Variants in SIDT2 observed in about 807,000 individuals in gnomAD.
The protein encoded by SIDT2 is SID1 transmembrane family, member 2.
SIDT2 carries 68 observed loss-of-function variants against 114.4 expected under a neutral mutation model. The ratio of observed to expected loss-of-function variants is 0.59; its 90% confidence interval spans 0.49 to 0.73. The LOEUF (loss-of-function observed/expected upper bound fraction) is 0.73. Among genes scored for constraint, SIDT2 ranks in the 30% least tolerant of loss-of-function variants. The pLI is 0.00. For missense variants in SIDT2, 918 were observed against 1,097.1 expected (o/e 0.84, Z 2.31); for synonymous variants, 470 against 438.4 (o/e 1.07, Z -0.90).
Position 117,190,178 on chromosome 11 carries a change from C to T in SIDT2, c.1506C>T (p.Asn502=), listed in dbSNP as rs1402934261. The T allele has an allele frequency of 6.3e-7, 1 of 1,579,310 alleles. No homozygotes were observed. The highest frequency in any genetic ancestry group is 8.6e-7 in the Non-Finnish European group (1 of 1,162,522). ...HPLGNLSAFN[N]ILSNLGYILL... is the part of the protein sequence containing the mutation. ...TTGCCCCTTCTAGCGCCTTCAACAA[C>T]ATCCTCAGCAACCTGGGGTACATCC... Residue 502 remains asparagine (N), a synonymous_variant, in exon 17 of 26, where the codon AAC becomes AAT. Coordinates refer to ENST00000324225, the MANE Select transcript of SIDT2 (RefSeq NM_001040455.2). This position sits in a 1 kb window ranked among gnomAD's most constrained non-coding sequence, Gnocchi z 4.1.
rs2030568199 is a variant in SIDT2 at position 117,188,121 on chromosome 11, T to C, written c.1159+422T>C. 5.2e-6 allele frequency: 2 copies of C among 388,148 alleles called. No individual in the cohort carries two copies. Among genetic ancestry groups the C allele is most frequent in the South Asian group, 2.0e-5 (1 of 50,308 alleles). 24.0% of individuals were successfully genotyped at this position (388,148 alleles called of 1,614,324 possible). ...AGATAGCAGCAGAGCACAGGCTCCT[T>C]TGGCTGGCGGGCTGGCGCCTCCGCT... On this transcript the variant is annotated intron_variant, in intron 12 of 25. Coordinates refer to ENST00000324225, the MANE Select transcript of SIDT2 (RefSeq NM_001040455.2). The surrounding 1 kb of genome is among the most constrained non-coding windows in gnomAD (Gnocchi z 4.0).
In SIDT2 at chr11:117,190,812, G is replaced by A; in HGVS notation, c.1735+72G>A. 3 of 1,233,712 alleles carry A rather than the reference G, an allele frequency of 2.4e-6. No homozygotes were observed. Among genetic ancestry groups the A allele is most frequent in the Admixed American group, 1.7e-5 (1 of 58,470 alleles). 76.4% of individuals were successfully genotyped at this position (1,233,712 alleles called of 1,614,324 possible). ...TGCCTGAGTCCTTCACTATCCCCAAGTCACCCACAGGGATCGCTAAGACAC... is the reference window on the plus strand; with the variant it reads ...TGCCTGAGTCCTTCACTATCCCCAAATCACCCACAGGGATCGCTAAGACAC... On this transcript the variant is annotated intron_variant, in intron 18 of 25. Transcript: ENST00000324225. This position sits in a 1 kb window ranked among gnomAD's most constrained non-coding sequence, Gnocchi z 4.1.
At chr11:117,179,502 G>A in intron 1 of SIDT2, 56 bp downstream of exon 1, 1 of 1,556,026 alleles carries the variant, frequency 6.4e-7, no homozygotes, top group Non-Finnish European at 8.7e-7. Flanking sequence ...CGAGGGCTAG[G>A]CGATTCTGCC....
chr11:117,193,221 A>T lies in SIDT2; in HGVS notation c.2174A>T (p.Asn725Ile). The change falls in exon 23 of 26, where the codon AAC becomes ATC. Residue 725 changes from asparagine to isoleucine, a missense_variant. Physicochemically the swap from Asn to Ile is moderately radical, Grantham distance 149. Around this residue, in one of 4 missense-constraint regions of SIDT2, gnomAD observed 275 missense variants for 397.6 expected, o/e 0.69. Coordinates refer to ENST00000324225, the MANE Select transcript of SIDT2 (RefSeq NM_001040455.2). Reference sequence around the variant, plus strand: ...TACTTGTTGGCCATTGGCATCTGCAACCTGCTCCTTTACTTCGCCTTCTAC... The same window carrying T: ...TACTTGTTGGCCATTGGCATCTGCATCCTGCTCCTTTACTTCGCCTTCTAC... ...ASYLLAIGIC[N>I]LLLYFAFYII... is the part of the protein sequence containing the mutation. 2 of 1,613,958 alleles carry T rather than the reference A, an allele frequency of 1.2e-6. No homozygotes were observed. The highest frequency in any genetic ancestry group is 1.7e-6 in the Non-Finnish European group (2 of 1,179,940).
rs539111388 is a variant in SIDT2, at chr11:117,181,650, G to A, written c.305+113G>A. 3.4e-5 allele frequency: 54 copies of A among 1,579,472 alleles called. No individual in the cohort carries two copies. The African/African-American group carries it at 7.0e-4, about 20-fold the overall frequency. On this transcript the variant is annotated intron_variant, in intron 2 of 25. Transcript: ENST00000324225. Reference sequence around the variant, plus strand: ...CCCCTTTCCCTGGGCTGGGAGGCTGGTCAACAGCACAAGGGCCGAGTCCCA... The same window carrying A: ...CCCCTTTCCCTGGGCTGGGAGGCTGATCAACAGCACAAGGGCCGAGTCCCA...
chr11:117,194,128 C>T, intron 24 of SIDT2, 165 bp downstream of exon 24: 1 of 549,618 alleles, frequency 1.8e-6, no homozygotes, highest in South Asian at 2.6e-5. Flanking sequence ...TAGTAAGAAC[C>T]CGTCTCTACA....
chr11:117,178,879 A>G lies in SIDT2; in HGVS notation c.-385A>G, dbSNP rs542494214. On this transcript the variant is annotated 5_prime_UTR_variant, in exon 1 of 26. Coordinates refer to ENST00000324225, the MANE Select transcript of SIDT2 (RefSeq NM_001040455.2). The stretch of plus-strand genomic sequence containing the variant: ...CTGCGACTCGCCTTCCTCCGCGGCC[A>G]GCCCCCGCCGCCGGCTCTTCCTCCC... 1,840 of 203,996 alleles carry G rather than the reference A, an allele frequency of 9.0e-3. 36 individuals are homozygous for G. Among genetic ancestry groups the G allele is most frequent in the African/African-American group, 0.041 (1,751 of 42,674 alleles). 12.6% of individuals were successfully genotyped at this position (203,996 alleles called of 1,614,324 possible).
In SIDT2 at chr11:117,188,951, A is replaced by C. The variant is rs900678417; in HGVS notation, c.1278+125A>C. The C allele has an allele frequency of 1.4e-5, 15 of 1,094,006 alleles. No individual in the cohort carries two copies. The African/African-American group carries it at 2.2e-4, about 16-fold the overall frequency. The allele number at this position is 1,094,006 out of a possible 1,614,324, so 67.8% of individuals were successfully genotyped here. A position where few individuals can be genotyped will look rare whatever the true frequency, so the allele number is the denominator to read the frequency against. ...CAGAAGGAAGGGGCTCAGCTGGGGCAGGGCAGATGCCGGGGAAACTAACCT... is the reference window on the plus strand; with the variant it reads ...CAGAAGGAAGGGGCTCAGCTGGGGCCGGGCAGATGCCGGGGAAACTAACCT... On this transcript the variant is annotated intron_variant, in intron 13 of 25. Coordinates refer to ENST00000324225, the MANE Select transcript of SIDT2 (RefSeq NM_001040455.2). The surrounding 1 kb of genome is among the most constrained non-coding windows in gnomAD (Gnocchi z 4.0).
chr11:117,179,235 AC>A lies in SIDT2; in HGVS notation c.-27del. The A allele has an allele frequency of 6.3e-7, 1 of 1,596,870 alleles. No homozygotes were observed. The highest frequency in any genetic ancestry group is 2.2e-5 in the East Asian group (1 of 44,662). ...TCCTGTCGCCGCCGCCGCCGCCACC[AC>A]CGCTGCCACTGCCGCCCTGCCGGGG... is the stretch of plus-strand genomic sequence containing the variant. On this transcript the variant is annotated 5_prime_UTR_variant, in exon 1 of 26. Coordinates refer to ENST00000324225, the MANE Select transcript of SIDT2 (RefSeq NM_001040455.2).
rs779725643 is a variant in SIDT2 at position 117,188,004 on chromosome 11, C to T, written c.1159+305C>T. The stretch of plus-strand genomic sequence containing the variant: ...TGTTTTGCCAATCAGTGCCTGCCGG[C>T]TCCGGTTGACTGCCGGCTGTGGGGC... On this transcript the variant is annotated intron_variant, in intron 12 of 25. Transcript: ENST00000324225. The surrounding 1 kb of genome is among the most constrained non-coding windows in gnomAD (Gnocchi z 4.0). 8 of 600,340 alleles carry T rather than the reference C, an allele frequency of 1.3e-5. No individual in the cohort carries two copies. The highest frequency in any genetic ancestry group is 2.2e-5 in the Non-Finnish European group (7 of 319,482). 37.2% of individuals were successfully genotyped at this position (600,340 alleles called of 1,614,324 possible).
chr11:117,187,570 C>G, intron 11 of SIDT2, 58 bp from the exon 12 acceptor site: 1 of 1,600,772 alleles, frequency 6.2e-7, no homozygotes, highest in African/African-American at 1.3e-5. Flanking sequence ...TGCAGATGCT[C>G]AGAGCCCCTT....
At chr11:117,195,358 G>T (rs1446427275) in intron 24 of SIDT2, among the ~76,000 whole-genome samples, 1 of 152,164 alleles carries the variant, frequency 6.6e-6, no homozygotes, top group Non-Finnish European at 1.5e-5. Context: ...GAGTGCCACA[G>T]GTTATGGCTA....
chr11:117,180,142 C>T (rs1004011646), intron 1 of SIDT2, among the ~76,000 whole-genome samples: 1 of 152,338 alleles, frequency 6.6e-6, no homozygotes, highest in South Asian at 2.1e-4. Context: ...AGAATTCTTG[C>T]AACCTGGCTG....
rs1337254961 is a variant in SIDT2, at chr11:117,181,857, C to T, written c.356C>T (p.Pro119Leu). ...AAAGTGGAACGAACCCTGTGTCAGC[C>T]CCCCACCAAGAATGAGTCGGAGATT... ...YQKVERTLCQPPTKNESEIQF... is the reference protein window; with the variant it reads ...YQKVERTLCQLPTKNESEIQF... Residue 119 changes from proline to leucine, a missense_variant, in exon 3 of 26, where the codon CCC becomes CTC. Around this residue, in one of 4 missense-constraint regions of SIDT2, gnomAD observed 553 missense variants for 600.1 expected, o/e 0.92. Transcript: ENST00000324225. 2 of 1,614,108 alleles carry T rather than the reference C, an allele frequency of 1.2e-6. No individual in the cohort carries two copies. Among genetic ancestry groups the T allele is most frequent in the African/African-American group, 2.7e-5 (2 of 74,932 alleles).
chr11:117,186,947 C>T (rs2030518791), intron 10 of SIDT2: 2 of 1,483,050 alleles, frequency 1.3e-6, no homozygotes, highest in Non-Finnish European at 1.8e-6. Flanking sequence ...CCACCCCTCC[C>T]TCTCTTTCTG....
At chr11:117,184,393 A>G (rs2030416759) in intron 8 of SIDT2, among the ~76,000 whole-genome samples, 1 of 152,234 alleles carries the variant, frequency 6.6e-6, no homozygotes, top group Admixed American at 6.5e-5. Flanking sequence ...ACTTATCAGC[A>G]GTGTAACCTG....
At chr11:117,183,074 T>C (rs2030356525) in intron 6 of SIDT2, among the ~76,000 whole-genome samples, 1 of 152,218 alleles carries the variant, frequency 6.6e-6, no homozygotes, top group Admixed American at 6.5e-5. Flanking sequence ...CTGAGCGCGG[T>C]GGCTCATTCC....
rs2030764854 is a variant in SIDT2 at position 117,193,166 on chromosome 11, C to T, written c.2119C>T (p.Leu707Phe). The T allele has an allele frequency of 4.3e-6, 7 of 1,614,186 alleles. No individual in the cohort carries two copies. Among genetic ancestry groups the T allele is most frequent in the Non-Finnish European group, 5.9e-6 (7 of 1,180,006 alleles). Residue 707 changes from leucine to phenylalanine, a missense_variant, in exon 23 of 26, where the codon CTT becomes TTT. Leu to Phe is a conservative substitution (Grantham distance 22, BLOSUM62 0). Transcript: ENST00000324225. ...CCCTCTTGCCAGGGCTGCCTATGGG[C>T]TTATCATGCGCCCCAATGATTTCGC... ...VINWSLAAYGLIMRPNDFASY... is the reference protein window; with the variant it reads ...VINWSLAAYGFIMRPNDFASY...
Position 117,181,828 on chromosome 11 carries a change from C to T in SIDT2, c.327C>T (p.Tyr109=). The stretch of plus-strand genomic sequence containing the variant: ...ATAGGTTTCAGCGCAAGTACCTCTA[C>T]CAAAAAGTGGAACGAACCCTGTGTC... ...LRGMFQRKYL[Y]QKVERTLCQP... Residue 109 remains tyrosine (Y), a synonymous_variant, in exon 3 of 26, where the codon TAC becomes TAT. Coordinates refer to ENST00000324225, the MANE Select transcript of SIDT2 (RefSeq NM_001040455.2). 1 of 1,614,164 alleles carries T rather than the reference C, an allele frequency of 6.2e-7. No homozygotes were observed. The highest frequency in any genetic ancestry group is 8.5e-7 in the Non-Finnish European group (1 of 1,180,018).
Sources: allele counts gnomAD v4.1 joint callset (sites outside exome capture counted in the v4.1 genomes callset), GRCh38; gene constraint gnomAD v4.1.1; regional missense constraint gnomAD v4.1.1; non-coding constraint Gnocchi (gnomAD v3.1); transcripts MANE v1.5; gene names NCBI Gene and HGNC (gene_info 2026-07-23, HGNC 2026-07-21).